Variants in LRP2 observed in about 807,000 individuals in gnomAD.
LRP2 encodes the protein LDL receptor related protein 2.
LRP2 carries 172 observed loss-of-function variants against 531.0 expected under a neutral mutation model. The observed-to-expected ratio is 0.32, with a 90% confidence interval of 0.29 to 0.37. The LOEUF is 0.37. LRP2 is among the 10% of genes least tolerant of loss of function. LRP2 has a pLI of 1.00. For missense variants in LRP2, 5,167 were observed against 5,868.3 expected, an observed-to-expected ratio of 0.88 and a Z score of 3.90; for synonymous variants, 1,992 against 2,027.6, an observed-to-expected ratio of 0.98 and a Z score of 0.47.
At chr2:169,155,984 G>T (rs1408075108) in intron 65 of LRP2, among the ~76,000 whole-genome samples, 1 of 152,070 alleles carries the variant, frequency 6.6e-6, no homozygotes, top group Non-Finnish European at 1.5e-5. Context: ...TCCACTTTTT[G>T]AAGTTTTTAT....
At chr2:169,318,657 G>C in intron 3 of LRP2, 105 bp downstream of exon 3, 1 of 1,517,574 alleles carries the variant, frequency 6.6e-7, no homozygotes, top group Non-Finnish European at 9.1e-7. Context: ...TTAAGGCCCT[G>C]CTCCACATTT....
At chr2:169,353,551 T>G (rs1018928433) in intron 1 of LRP2, among the ~76,000 whole-genome samples, 2 of 152,136 alleles carry the variant, frequency 1.3e-5, no homozygotes, top group African/African-American at 4.8e-5. Flanking sequence ...TCCACACCCT[T>G]CCCCACATCA....
chr2:169,273,018 G>C lies in LRP2; in HGVS notation c.2025C>G (p.Val675=), dbSNP rs830994. Residue 675 remains valine (V), a synonymous_variant, in exon 15 of 79, where the codon GTC becomes GTG. Transcript: ENST00000649046. The part of the protein sequence containing the change: ...DNNGGCEQVC[V]LSHRTDNDGL... ...CATCATTATCTGTTCTGTGGCTGAG[G>C]ACACAGACCTGCTCACAGCCCCCAT... The C allele has an allele frequency of 6.2e-7, 1 of 1,613,454 alleles. No individual in the cohort carries two copies. The highest frequency in any genetic ancestry group is 8.5e-7 in the Non-Finnish European group (1 of 1,179,702).
At chr2:169,144,980 C>T (rs534904098) in intron 70 of LRP2, among the ~76,000 whole-genome samples, 1 of 152,262 alleles carries the variant, frequency 6.6e-6, no homozygotes, top group African/African-American at 2.4e-5. Flanking sequence ...GATTAAAACT[C>T]ACCCATTTGT....
intron 37 of LRP2, among the ~76,000 whole-genome samples, chr2:169,211,248 C>G (rs892688520): frequency 6.6e-6 from 1 of 152,060 alleles, no homozygotes; most frequent in African/African-American, 2.4e-5. Context: ...ATCCTTTTTT[C>G]CTTCCTTTCT....
chr2:169,268,841 T>C (rs1683312641), intron 16 of LRP2, among the ~76,000 whole-genome samples: 1 of 152,212 alleles, frequency 6.6e-6, no homozygotes, highest in Non-Finnish European at 1.5e-5. Flanking sequence ...TATGACTGTA[T>C]ATTTAGAAAA....
At chr2:169,328,441 T>TAAAAAAAAAAAA (rs537210492) in intron 1 of LRP2, among the ~76,000 whole-genome samples, 85 of 48,838 alleles carry the variant, frequency 1.7e-3, no homozygotes, top group South Asian at 2.5e-3. Flanking sequence ...CGGGCCGGGA[T>TAAAAAAAAAAAA]AAAAAAAAAA....
chr2:169,197,240 T>C (rs1688035824), intron 45 of LRP2, among the ~76,000 whole-genome samples: 1 of 151,618 alleles, frequency 6.6e-6, no homozygotes, highest in African/African-American at 2.4e-5. Flanking sequence ...CCCCAATTTG[T>C]TTTTCTAGAT....
At chr2:169,177,649 T>C (rs1441006532) in intron 53 of LRP2, among the ~76,000 whole-genome samples, 154 bp downstream of exon 53, 3 of 152,204 alleles carry the variant, frequency 2.0e-5, no homozygotes, top group Admixed American at 2.0e-4. Flanking sequence ...ACTCTAAAGA[T>C]ATTTGCCTAC....
intron 33 of LRP2, among the ~76,000 whole-genome samples, chr2:169,221,624 A>G (rs74688656): frequency 0.031 from 4,712 of 152,310 alleles, 82 homozygotes; most frequent in South Asian, 0.066. Context: ...CAATACAAAT[A>G]GATTATTTGT....
Position 169,323,614 on chromosome 2 carries a change from A to T in LRP2, c.80-2730T>A, listed in dbSNP as rs553558189. ...ATCTAGATATTATCTACATTTTGTTATTTATTTGAAGATTTAAAAAAAAAA... is the reference window on the plus strand; with the variant it reads ...ATCTAGATATTATCTACATTTTGTTTTTTATTTGAAGATTTAAAAAAAAAA... On this transcript the variant is annotated intron_variant, in intron 1 of 78. Coordinates refer to ENST00000649046, the MANE Select transcript of LRP2 (RefSeq NM_004525.3). Among the ~76,000 whole-genome samples the T allele has an allele frequency of 5.9e-3, 879 of 149,662 alleles. 3 individuals carry two copies. The highest frequency in any genetic ancestry group is 9.6e-3 in the Non-Finnish European group (648 of 67,172).
In LRP2 at chr2:169,206,438, T is replaced by C. The variant is rs372545324; in HGVS notation, c.7282A>G (p.Ser2428Gly). Residue 2428 changes from serine (S) to glycine (G), a missense_variant, in exon 39 of 79, where the codon AGT (serine) becomes GGT (glycine). Physicochemically the swap from Ser to Gly is moderately conservative, Grantham distance 56 (BLOSUM62 0). This residue lies in a region of LRP2 where 2,811 missense variants were observed against 3,058.0 expected (regional missense o/e 0.92). Coordinates refer to ENST00000649046, the MANE Select transcript of LRP2 (RefSeq NM_004525.3). ...GTGAAGTAGATTCTATCACTTACAC[T>C]GTCATAGTCTAGAGACATGACAGTT... is the stretch of plus-strand genomic sequence containing the variant. ...ERTVMSLDYD[S>G]VSDRIYFTQN... 13 of 1,614,042 alleles carry C rather than the reference T, an allele frequency of 8.1e-6. No homozygotes were observed. The African/African-American group carries it at 1.7e-4, about 22-fold the overall frequency.
At chr2:169,223,951 T>C (rs139108697) in intron 33 of LRP2, among the ~76,000 whole-genome samples, 1 of 152,290 alleles carries the variant, frequency 6.6e-6, no homozygotes, top group Non-Finnish European at 1.5e-5. Context: ...CTCTTTTCTC[T>C]GCCTGGGACA....
At chr2:169,168,718 T>C (rs1482156069) in intron 60 of LRP2, 42 bp from the exon 61 acceptor site, 5 of 1,610,622 alleles carry the variant, frequency 3.1e-6, no homozygotes, top group Middle Eastern at 1.7e-4. Context: ...ATTATACAAA[T>C]TGACTACTTT....
chr2:169,281,749 TAAATA>T (rs1227336500), intron 10 of LRP2, among the ~76,000 whole-genome samples: 1 of 151,312 alleles, frequency 6.6e-6, no homozygotes, highest in East Asian at 1.9e-4. Context: ...AATAAATAAA[TAAATA>T]AAATAATTAA....
chr2:169,273,314 C>A (rs1683470381), intron 14 of LRP2, among the ~76,000 whole-genome samples: 1 of 152,116 alleles, frequency 6.6e-6, no homozygotes, highest in South Asian at 2.1e-4. Context: ...AGGACTCCTA[C>A]AACTTTCTCC....
At chr2:169,276,776 T>G (rs1683566145) in intron 13 of LRP2, among the ~76,000 whole-genome samples, 1 of 152,090 alleles carries the variant, frequency 6.6e-6, no homozygotes, top group South Asian at 2.1e-4. Flanking sequence ...AATAATATTT[T>G]GGGTCAAAAT....
At chr2:169,214,721 T>C (rs1425859820) in intron 35 of LRP2, among the ~76,000 whole-genome samples, 1 of 152,158 alleles carries the variant, frequency 6.6e-6, no homozygotes, top group African/African-American at 2.4e-5. Flanking sequence ...ACAGAAGTGT[T>C]GGGAGCTACT....
intron 15 of LRP2, among the ~76,000 whole-genome samples, chr2:169,272,413 AGT>A (rs1306918088): frequency 3.9e-5 from 6 of 152,118 alleles, no homozygotes; most frequent in Admixed American, 3.9e-4. Context: ...AATGCTCAGG[AGT>A]TTACTTTGGA....
Sources: gnomAD v4.1 joint callset for allele counts (sites outside exome capture counted in the v4.1 genomes callset) on GRCh38, gnomAD v4.1.1 for gene constraint, gnomAD v4.1.1 regional missense constraint, MANE v1.5 for transcripts, NCBI Gene and HGNC (gene_info 2026-07-23, HGNC 2026-07-21) for gene names.